The following ACOT7 variants were observed in gnomAD, a reference collection of about 807,000 sequenced individuals.
ACOT7 encodes cytosolic acyl coenzyme A thioester hydrolase.
A neutral mutation model predicts 40.2 loss-of-function variants in ACOT7; 12 were observed. The ratio of observed to expected loss-of-function variants is 0.30; its 90% CI spans 0.19 to 0.48. The LOEUF (loss-of-function observed/expected upper bound fraction) is 0.48, where lower values mean the gene tolerates loss of function less well. Among genes scored for constraint, ACOT7 ranks in the 20% least tolerant of loss-of-function variants. The pLI is 0.99. For missense variants in ACOT7, 395 were observed against 530.8 expected (o/e 0.74, Z 2.51); for synonymous variants, 228 against 219.5 (o/e 1.04, Z -0.34).
intron 1 of ACOT7, among the ~76,000 whole-genome samples, chr1:6,374,280 C>CT (rs2148475512): frequency 6.6e-6 from 1 of 152,350 alleles, no homozygotes; most frequent in East Asian, 1.9e-4. Context: ...GTCACTAAGA[C>CT]TAAGAGCCCT....
intron 2 of ACOT7, among the ~76,000 whole-genome samples, chr1:6,346,127 G>T (rs934983611): frequency 2.6e-5 from 4 of 152,190 alleles, no homozygotes; most frequent in African/African-American, 9.7e-5. Context: ...TAGAAACAGG[G>T]TCTCACTCTG....
chr1:6,281,028 C>T, intron 8 of ACOT7, 74 bp downstream of exon 8: 2 of 1,543,162 alleles, frequency 1.3e-6, no homozygotes, highest in Non-Finnish European at 1.7e-6. Context: ...ACAGATTCCC[C>T]CTGGAGGCCC....
chr1:6,393,456 G>A lies in ACOT7; in HGVS notation c.-57C>T, dbSNP rs1642572566. ...CTGGTGAGGCGGGGCCTGCGCGCCG[G>A]GGGCAATCGAACGCGGCCTCCCCGC... On this transcript the variant is annotated 5_prime_UTR_variant, in exon 1 of 9. Coordinates refer to ENST00000361521, the MANE Select transcript of ACOT7 (RefSeq NM_007274.4). 6 of 1,060,696 alleles carry A rather than the reference G, an allele frequency of 5.7e-6. No homozygotes were observed. In the East Asian group the frequency reaches 1.6e-4, roughly 28 times the overall value. The allele number at this position is 1,060,696 out of a possible 1,614,324, so 65.7% of individuals were successfully genotyped here.
Position 6,340,892 on chromosome 1 carries a change from C to A in ACOT7, c.262-1303G>T, listed in dbSNP as rs182253770. 3.0e-3 allele frequency among the ~76,000 whole-genome samples: 458 copies of A among 151,898 alleles called. 2 individuals are homozygous for A. Among genetic ancestry groups the A allele is most frequent in the African/African-American group, 9.8e-3 (408 of 41,428 alleles). ...CTCTACTAAAAATACAAAAGTTACC[C>A]GGGCGTGGCGGTGCACATCTGTAAT... On this transcript the variant is annotated intron_variant, in intron 2 of 8. Coordinates refer to ENST00000361521, the MANE Select transcript of ACOT7 (RefSeq NM_007274.4).
chr1:6,287,418 G>GCA (rs1318080299), intron 7 of ACOT7, among the ~76,000 whole-genome samples: 27 of 152,356 alleles, frequency 1.8e-4, no homozygotes, highest in African/African-American at 6.3e-4. Flanking sequence ...CTTCCAAATG[G>GCA]GAAAAACAAA....
At chr1:6,362,439 A>G (rs1641911834) in intron 1 of ACOT7, among the ~76,000 whole-genome samples, 1 of 152,030 alleles carries the variant, frequency 6.6e-6, no homozygotes, top group South Asian at 2.1e-4. Context: ...TCAAAAAAAA[A>G]AAAGAAAAAA....
At chr1:6,366,030 G>A (rs961283898) in intron 1 of ACOT7, among the ~76,000 whole-genome samples, 2 of 151,790 alleles carry the variant, frequency 1.3e-5, no homozygotes, top group Non-Finnish European at 2.9e-5. Flanking sequence ...AAGTAGCTAG[G>A]ATTACAGGCA....
At chr1:6,273,373 A>G (rs188236377) in intron 8 of ACOT7, among the ~76,000 whole-genome samples, 1 of 152,306 alleles carries the variant, frequency 6.6e-6, no homozygotes, top group Admixed American at 6.5e-5. Flanking sequence ...GATGTTCCTA[A>G]GCGCTAACCA....
At chr1:6,357,842 CAG>C (rs1465843575) in intron 1 of ACOT7, among the ~76,000 whole-genome samples, 1 of 151,452 alleles carries the variant, frequency 6.6e-6, no homozygotes, top group Non-Finnish European at 1.5e-5. Context: ...CTCTGCCAAA[CAG>C]AAGCTCAAGC....
At chr1:6,281,059 T>TCCTAGG in intron 8 of ACOT7, 43 bp downstream of exon 8, 1 of 1,594,514 alleles carries the variant, frequency 6.3e-7, no homozygotes, top group Non-Finnish European at 8.5e-7. Flanking sequence ...ACCCTAGGGC[T>TCCTAGG]GCCTGGCAGG....
At chr1:6,264,735 G>T in intron 8 of ACOT7, 40 bp from the exon 9 acceptor site, 1 of 1,600,330 alleles carries the variant, frequency 6.2e-7, no homozygotes. Flanking sequence ...TAGGGTCACT[G>T]CAGAACCAGT....
intron 1 of ACOT7, chr1:6,360,846 G>C: frequency 8.6e-7 from 1 of 1,162,808 alleles, no homozygotes; most frequent in Non-Finnish European, 1.2e-6. Context: ...CCCCAAATCA[G>C]TGAGGACCTA....
At chr1:6,286,884 C>T (rs914516027) in intron 7 of ACOT7, among the ~76,000 whole-genome samples, 2 of 152,178 alleles carry the variant, frequency 1.3e-5, no homozygotes, top group South Asian at 2.1e-4. Flanking sequence ...CCTGAGTGTG[C>T]CCCAGGGGCA....
At chr1:6,357,224 C>T (rs1410393008) in intron 1 of ACOT7, among the ~76,000 whole-genome samples, 4 of 151,450 alleles carry the variant, frequency 2.6e-5, no homozygotes, top group Non-Finnish European at 4.4e-5. Context: ...GCAACAAGAG[C>T]GAAACTCCGC....
intron 3 of ACOT7, among the ~76,000 whole-genome samples, chr1:6,338,000 C>CAAAA (rs769360339): frequency 1.4e-4 from 10 of 71,774 alleles, no homozygotes; most frequent in African/African-American, 1.6e-4. Context: ...GACACCATCT[C>CAAAA]AAAAAAAAAA....
intron 1 of ACOT7, among the ~76,000 whole-genome samples, chr1:6,380,527 T>TTTA (rs1440976506): frequency 6.7e-6 from 1 of 148,792 alleles, no homozygotes; most frequent in East Asian, 2.0e-4. Flanking sequence ...AGGCGAAGGT[T>TTTA]GTAATGAGCT....
intron 6 of ACOT7, among the ~76,000 whole-genome samples, chr1:6,314,444 T>C (rs1220861918): frequency 1.3e-5 from 2 of 151,544 alleles, no homozygotes; most frequent in Non-Finnish European, 2.9e-5. Flanking sequence ...TGGCCAAAAG[T>C]TGAGAAGTGA....
intron 1 of ACOT7, among the ~76,000 whole-genome samples, chr1:6,377,682 C>A (rs887473038): frequency 1.3e-5 from 2 of 152,148 alleles, no homozygotes; most frequent in African/African-American, 4.8e-5. Context: ...AAAAGCAATT[C>A]CATTGTAAAA....
At chr1:6,324,310 C>A (rs1001694717) in intron 5 of ACOT7, among the ~76,000 whole-genome samples, 1 of 152,160 alleles carries the variant, frequency 6.6e-6, no homozygotes, top group Non-Finnish European at 1.5e-5. Context: ...CTAATCCAAT[C>A]ATCTGAGGAA....
Sources: gnomAD v4.1 joint callset for allele counts (sites outside exome capture counted in the v4.1 genomes callset) on GRCh38, gnomAD v4.1.1 for gene constraint, MANE v1.5 for transcripts, NCBI Gene and HGNC (gene_info 2026-07-23, HGNC 2026-07-21) for gene names.